UST: variants seen among roughly 807,000 people sequenced by gnomAD.
UST encodes the protein chondroitin sulfate 2-O-sulfotransferase.
In UST, 21 loss-of-function variants were observed where a neutral mutation model predicts 45.6. The observed-to-expected ratio is 0.46, with a 90% CI of 0.33 to 0.66. The LOEUF (loss-of-function observed/expected upper bound fraction) is 0.66. Ranked by LOEUF, UST falls within the 30% of genes least tolerant of loss-of-function variation. The probability of loss-of-function intolerance (pLI) is 0.02; values close to 1 mark genes in which losing one functional copy is unlikely to be tolerated. For missense variants in UST, 463 were observed against 512.4 expected (o/e 0.90, Z 0.93); for synonymous variants, 215 against 200.6 (o/e 1.07, Z -0.61).
At chr6:148,942,759 C>G (rs1356750778) in intron 3 of UST, among the ~76,000 whole-genome samples, 1 of 152,072 alleles carries the variant, frequency 6.6e-6, no homozygotes, top group East Asian at 1.9e-4. Context: ...CATAGCCAAC[C>G]ATACTTGTTC....
intron 5 of UST, among the ~76,000 whole-genome samples, chr6:148,983,278 G>A (rs1781173551): frequency 6.6e-6 from 1 of 152,184 alleles, no homozygotes; most frequent in African/African-American, 2.4e-5. Flanking sequence ...AGCGGCTCTT[G>A]GAATGGAGTC....
chr6:148,750,059 C>G (rs1207581108), intron 1 of UST, among the ~76,000 whole-genome samples: 1 of 152,120 alleles, frequency 6.6e-6, no homozygotes, highest in African/African-American at 2.4e-5. Context: ...TAGTGTCTGT[C>G]AAAACAAAAC....
intron 1 of UST, among the ~76,000 whole-genome samples, chr6:148,874,081 T>C (rs1255335799): frequency 1.3e-5 from 2 of 152,260 alleles, no homozygotes; most frequent in African/African-American, 4.8e-5. Flanking sequence ...TGTGTTAGCA[T>C]TCCACAGGTG....
At chr6:148,867,684 T>G (rs554329367) in intron 1 of UST, among the ~76,000 whole-genome samples, 1 of 152,148 alleles carries the variant, frequency 6.6e-6, no homozygotes, top group Non-Finnish European at 1.5e-5. Flanking sequence ...ATGTAAGATG[T>G]GCCTTTCACC....
At chr6:149,049,084 T>G (rs1293087936) in intron 7 of UST, among the ~76,000 whole-genome samples, 1 of 152,154 alleles carries the variant, frequency 6.6e-6, no homozygotes, top group East Asian at 1.9e-4. Context: ...AATTGTATAT[T>G]AAAATTGATG....
At chr6:149,023,984 A>G (rs904345404) in intron 7 of UST, among the ~76,000 whole-genome samples, 6 of 152,232 alleles carry the variant, frequency 3.9e-5, no homozygotes, top group Admixed American at 6.5e-5. Context: ...CCTATAAATT[A>G]AAGATTATTT....
chr6:148,887,778 G>T (rs1022819566), intron 2 of UST, among the ~76,000 whole-genome samples: 23 of 152,114 alleles, frequency 1.5e-4, no homozygotes, highest in African/African-American at 5.3e-4. Context: ...TTGGGAAGGG[G>T]TTGTGCTTGG....
chr6:148,909,818 C>T (rs1165762234), intron 2 of UST, among the ~76,000 whole-genome samples: 1 of 151,918 alleles, frequency 6.6e-6, no homozygotes, highest in Non-Finnish European at 1.5e-5. Context: ...CCCCCCGCCA[C>T]AGCAAAAATG....
At position 149,074,187 on chromosome 6, in the gene UST, T is replaced by G; in HGVS notation, c.*71T>G. ...TTCTTTGTTTGGGGAAGTAAAATCC[T>G]TAAGGGACTAAATTAATGCTTGGGT... On this transcript the variant is annotated 3_prime_UTR_variant, in exon 8 of 8. Coordinates refer to ENST00000367463, the MANE Select transcript of UST (RefSeq NM_005715.3). 1 of 1,520,520 alleles carries G rather than the reference T, an allele frequency of 6.6e-7. No individual in the cohort carries two copies. Among genetic ancestry groups the G allele is most frequent in the Non-Finnish European group, 9.0e-7 (1 of 1,116,098 alleles). 94.2% of individuals were successfully genotyped at this position (1,520,520 alleles called of 1,614,324 possible). A position where few individuals can be genotyped will look rare whatever the true frequency, so the allele number is the denominator to read the frequency against.
chr6:148,933,250 A>G (rs1779955985), intron 2 of UST, among the ~76,000 whole-genome samples: 1 of 152,236 alleles, frequency 6.6e-6, no homozygotes, highest in South Asian at 2.1e-4. Flanking sequence ...CATTGGTTCT[A>G]CAGCACTTAC....
rs1463575585 is a variant in UST, at chr6:148,747,567, G to A, written c.137G>A (p.Arg46Gln). 7 of 1,582,618 alleles carry A rather than the reference G, an allele frequency of 4.4e-6. No individual in the cohort carries two copies. The highest frequency in any genetic ancestry group is 5.1e-6 in the Non-Finnish European group (6 of 1,166,284). The change falls in exon 1 of 8, where the codon CGG becomes CAG. Residue 46 changes from arginine (R) to glutamine (Q), a missense_variant. Transcript: ENST00000367463. ...CTGCCTTTCCTGCGCTTCTCCCTCC[G>A]GGACTACGGCTTCTGCATGGCCACC... ...PLLPFLRFSL[R>Q]DYGFCMATLL... is the part of the protein sequence containing the mutation.
chr6:148,860,672 C>G (rs1044912631), intron 1 of UST, among the ~76,000 whole-genome samples: 2 of 152,166 alleles, frequency 1.3e-5, no homozygotes, highest in African/African-American at 4.8e-5. Context: ...TATGTTCCAT[C>G]AATACCTAGT....
intron 5 of UST, among the ~76,000 whole-genome samples, chr6:149,014,014 G>A (rs1775858789): frequency 6.6e-6 from 1 of 152,256 alleles, no homozygotes; most frequent in Admixed American, 6.5e-5. Context: ...AAGAGAGGAA[G>A]CAGTTGTCTA....
chr6:148,989,827 A>G (rs1781313134), intron 5 of UST, among the ~76,000 whole-genome samples: 1 of 152,254 alleles, frequency 6.6e-6, no homozygotes, highest in African/African-American at 2.4e-5. Context: ...GTGAGAAGTT[A>G]CCAATTCACA....
At chr6:148,976,175 T>A (rs565394219) in intron 5 of UST, among the ~76,000 whole-genome samples, 1 of 152,298 alleles carries the variant, frequency 6.6e-6, no homozygotes, top group East Asian at 1.9e-4. Context: ...GAACTGCAAA[T>A]TAAAGCAATA....
chr6:148,762,405 CATGGTGGCACTCTGTCTCT>C (rs1776238087), intron 1 of UST, among the ~76,000 whole-genome samples: 4 of 152,066 alleles, frequency 2.6e-5, no homozygotes, highest in Admixed American at 2.6e-4. Flanking sequence ...ATGCAGTTAC[CATGGTGGCACTCTGTCTCT>C]GACCCAAACT....
intron 6 of UST, among the ~76,000 whole-genome samples, chr6:149,020,702 G>A (rs912585365): frequency 1.3e-5 from 2 of 152,098 alleles, no homozygotes; most frequent in East Asian, 1.9e-4. Context: ...CCCCACTCCC[G>A]GGCTTTTCTC....
At chr6:148,984,602 A>G (rs1781205109) in intron 5 of UST, among the ~76,000 whole-genome samples, 1 of 152,192 alleles carries the variant, frequency 6.6e-6, no homozygotes, top group Non-Finnish European at 1.5e-5. Flanking sequence ...TGGCACAATC[A>G]TAGCTCACTG....
At chr6:148,780,088 TACACACACACACACACAA>T (rs1776612805) in intron 1 of UST, among the ~76,000 whole-genome samples, 2 of 112,564 alleles carry the variant, frequency 1.8e-5, no homozygotes, top group Admixed American at 8.9e-5. Context: ...TGTATATATA[TACACACACACACACACAA>T]ATACATGTGT....
Sources: gnomAD v4.1 joint callset for allele counts (sites outside exome capture counted in the v4.1 genomes callset) on GRCh38, gnomAD v4.1.1 for gene constraint, MANE v1.5 for transcripts, NCBI Gene and HGNC (gene_info 2026-07-23, HGNC 2026-07-21) for gene names.